The following NT5DC1 variants were observed in gnomAD, a reference collection of about 807,000 sequenced individuals.
The protein encoded by NT5DC1 is 5'-nucleotidase domain containing 1, also known as 5'-nucleotidase domain-containing protein 1.
In NT5DC1, 42 loss-of-function variants were observed where a neutral mutation model predicts 59.4. That is an observed-to-expected ratio of 0.71 (90% CI 0.55 to 0.92). The LOEUF is 0.92. Among genes scored for constraint, NT5DC1 ranks in the 40% least tolerant of loss-of-function variants. NT5DC1 has a pLI of 0.00. For synonymous variants in NT5DC1, 172 were observed against 188.1 expected (o/e 0.91, Z 0.70); for missense variants, 501 against 537.1 (o/e 0.93, Z 0.66).
intron 6 of NT5DC1, among the ~76,000 whole-genome samples, chr6:116,207,737 C>T (rs540319290): frequency 1.3e-5 from 2 of 152,058 alleles, no homozygotes; most frequent in South Asian, 4.2e-4. Context: ...CATTACTCAA[C>T]TGTGAACCCC....
At chr6:116,163,780 T>C (rs780355170) in intron 6 of NT5DC1, among the ~76,000 whole-genome samples, 6 of 152,220 alleles carry the variant, frequency 3.9e-5, no homozygotes, top group Non-Finnish European at 5.9e-5. Flanking sequence ...ACACTGCTTT[T>C]GCTGTATCCT....
intron 6 of NT5DC1, chr6:116,120,733 T>G: frequency 6.3e-7 from 1 of 1,589,884 alleles, no homozygotes; most frequent in Non-Finnish European, 8.5e-7. Context: ...ACCCAGGGAA[T>G]CCTGGAATGC....
At chr6:116,146,984 G>A (rs1477443331) in intron 6 of NT5DC1, among the ~76,000 whole-genome samples, 2 of 122,024 alleles carry the variant, frequency 1.6e-5, no homozygotes, top group Non-Finnish European at 3.3e-5. Flanking sequence ...TTTTATATAT[G>A]TATAAAATAA....
At chr6:116,115,608 G>A in intron 4 of NT5DC1, 83 bp from the exon 5 acceptor site, 1 of 646,406 alleles carries the variant, frequency 1.5e-6, no homozygotes, top group Non-Finnish European at 2.8e-6. Context: ...ACAAAATCTA[G>A]TGTCTCTTCA....
intron 4 of NT5DC1, 82 bp downstream of exon 4, chr6:116,111,038 C>T: frequency 1.1e-6 from 1 of 883,962 alleles, no homozygotes; most frequent in Non-Finnish European, 1.8e-6. Flanking sequence ...ACAAAGAAGA[C>T]CCCCCTTTCC....
chr6:116,156,459 C>T (rs904115282), intron 6 of NT5DC1, among the ~76,000 whole-genome samples: 1 of 152,104 alleles, frequency 6.6e-6, no homozygotes, highest in African/African-American at 2.4e-5. Flanking sequence ...TAGTCTGCCT[C>T]ATAAGGGATT....
At chr6:116,170,330 G>C (rs1308650621) in intron 6 of NT5DC1, among the ~76,000 whole-genome samples, 1 of 151,972 alleles carries the variant, frequency 6.6e-6, no homozygotes, top group Non-Finnish European at 1.5e-5. Flanking sequence ...CAAAAGAAAG[G>C]GTTCATAGAG....
At position 116,248,421 on chromosome 6, in the gene NT5DC1, G is replaced by A. The variant is rs1229203287; in HGVS notation, c.*4397G>A. Reference sequence around the variant, plus strand: ...TCTTAAATTGTGATTCTCTAGGACAGGGACTCAGTAATTAAAAATATAGGC... The same window carrying A: ...TCTTAAATTGTGATTCTCTAGGACAAGGACTCAGTAATTAAAAATATAGGC... On this transcript the variant is annotated 3_prime_UTR_variant, in exon 12 of 12. Transcript: ENST00000319550. The A allele has an allele frequency of 5.3e-5, 8 of 152,338 alleles. No homozygotes were observed. The highest frequency in any genetic ancestry group is 7.3e-5 in the Non-Finnish European group (5 of 68,030). The allele number at this position is 152,338 out of a possible 1,614,324, so 9.4% of individuals were successfully genotyped here. A position where few individuals can be genotyped will look rare whatever the true frequency, so the allele number is the denominator to read the frequency against.
At chr6:116,109,469 A>G (rs1778831170) in intron 3 of NT5DC1, among the ~76,000 whole-genome samples, 4 of 152,242 alleles carry the variant, frequency 2.6e-5, no homozygotes, top group Admixed American at 2.6e-4. Flanking sequence ...AACCACAGTT[A>G]AAAGAATGAA....
chr6:116,165,131 A>G (rs1438776118), intron 6 of NT5DC1, among the ~76,000 whole-genome samples: 1 of 146,632 alleles, frequency 6.8e-6, no homozygotes, highest in African/African-American at 2.5e-5. Context: ...ATTGGCTGGC[A>G]TTATTTTTCT....
At chr6:116,105,543 A>C (rs1287323436) in intron 1 of NT5DC1, among the ~76,000 whole-genome samples, 1 of 152,170 alleles carries the variant, frequency 6.6e-6, no homozygotes. Context: ...CCTTTTGTGC[A>C]CTTTTTGTTT....
At chr6:116,148,654 G>T (rs1365605951) in intron 6 of NT5DC1, among the ~76,000 whole-genome samples, 4 of 152,044 alleles carry the variant, frequency 2.6e-5, no homozygotes, top group Non-Finnish European at 5.9e-5. Context: ...ACTAAAGTTG[G>T]ATGGTTTATA....
rs73772284 is a variant in NT5DC1 at position 116,148,947 on chromosome 6, T to G, written c.529+31002T>G. Among the ~76,000 whole-genome samples, 346 of 152,340 alleles carry G rather than the reference T, an allele frequency of 2.3e-3. 2 individuals are homozygous for G. The highest frequency in any genetic ancestry group is 8.2e-3 in the African/African-American group (340 of 41,590). ...AGCTTATTCCAAGAAGCCAGTCTTTTGTTTTTAATCTCTAGAAATATACTA... is the reference window on the plus strand; with the variant it reads ...AGCTTATTCCAAGAAGCCAGTCTTTGGTTTTTAATCTCTAGAAATATACTA... On this transcript the variant is annotated intron_variant, in intron 6 of 11. Transcript: ENST00000319550.
At chr6:116,157,026 T>C (rs769641070) in intron 6 of NT5DC1, among the ~76,000 whole-genome samples, 17 of 152,160 alleles carry the variant, frequency 1.1e-4, no homozygotes, top group Non-Finnish European at 2.4e-4. Context: ...CCTAAGTGCG[T>C]TCACTTCATA....
chr6:116,192,305 C>T (rs900343032), intron 6 of NT5DC1, among the ~76,000 whole-genome samples: 3 of 151,840 alleles, frequency 2.0e-5, no homozygotes, highest in African/African-American at 4.8e-5. Context: ...GAGGAGCTCT[C>T]AATAAATATC....
intron 6 of NT5DC1, among the ~76,000 whole-genome samples, chr6:116,130,723 G>C (rs1344069807): frequency 1.3e-5 from 2 of 151,972 alleles, no homozygotes; most frequent in Non-Finnish European, 2.9e-5. Flanking sequence ...AGGACCACAG[G>C]TGTTTACTTA....
chr6:116,173,228 T>C (rs575358401), intron 6 of NT5DC1, among the ~76,000 whole-genome samples: 4 of 152,370 alleles, frequency 2.6e-5, no homozygotes, highest in African/African-American at 9.6e-5. Flanking sequence ...TGTCAGTGGC[T>C]ACTCCTTACC....
intron 9 of NT5DC1, 99 bp downstream of exon 9, chr6:116,237,183 C>G (rs1195733079): frequency 1.4e-6 from 1 of 723,364 alleles, no homozygotes; most frequent in Non-Finnish European, 2.5e-6. Context: ...CTTAAATAAG[C>G]CTTTCCTTTG....
rs57312871 is a variant in NT5DC1 at position 116,184,214 on chromosome 6, A to G, written c.530-36840A>G. Among the ~76,000 whole-genome samples the G allele has an allele frequency of 2.3e-3, 345 of 152,112 alleles. 2 individuals carry two copies. The highest frequency in any genetic ancestry group is 8.1e-3 in the African/African-American group (338 of 41,528). ...TGGTGTATCACATTTATTGACTTGC[A>G]TATGTCAAACTATCCCTGCGTCCCT... On this transcript the variant is annotated intron_variant, in intron 6 of 11. Coordinates refer to ENST00000319550, the MANE Select transcript of NT5DC1 (RefSeq NM_152729.3).
Sources: allele counts gnomAD v4.1 joint callset (sites outside exome capture counted in the v4.1 genomes callset), GRCh38; gene constraint gnomAD v4.1.1; transcripts MANE v1.5; gene names NCBI Gene and HGNC (gene_info 2026-07-23, HGNC 2026-07-21).